NUF2: variants seen among roughly 807,000 people sequenced by gnomAD.
NUF2 encodes NUF2 component of NDC80 kinetochore complex, also known as kinetochore protein Nuf2.
NUF2 carries 34 observed loss-of-function variants against 61.8 expected under a neutral mutation model. That is an observed-to-expected ratio of 0.55 (90% confidence interval 0.42 to 0.73). The LOEUF (loss-of-function observed/expected upper bound fraction) is 0.73, where lower values mean the gene tolerates loss of function less well. Among genes scored for constraint, NUF2 ranks in the 30% least tolerant of loss-of-function variants. NUF2 has a pLI of 0.00. For synonymous variants in NUF2, 172 were observed against 181.6 expected, an observed-to-expected ratio of 0.95 and a Z score of 0.42; for missense variants, 445 against 539.1, an observed-to-expected ratio of 0.83 and a Z score of 1.73.
At chr1:163,333,384 G>A (rs1184885670) in intron 5 of NUF2, among the ~76,000 whole-genome samples, 1 of 152,024 alleles carries the variant, frequency 6.6e-6, no homozygotes, top group Non-Finnish European at 1.5e-5. Flanking sequence ...TTTAATCGGA[G>A]TCTTAGACCA....
At chr1:163,324,796 A>C (rs1650356456) in intron 1 of NUF2, among the ~76,000 whole-genome samples, 1 of 152,176 alleles carries the variant, frequency 6.6e-6, no homozygotes, top group African/African-American at 2.4e-5. Flanking sequence ...GGAATCTCAC[A>C]ATGTGGTGTC....
chr1:163,338,242 A>T, intron 7 of NUF2, 149 bp downstream of exon 7: 1 of 550,764 alleles, frequency 1.8e-6, no homozygotes, highest in Non-Finnish European at 3.2e-6. Context: ...TTTCTTAAAA[A>T]AAAAAAAAAG....
At chr1:163,327,816 A>T in intron 3 of NUF2, 1 of 442,622 alleles carries the variant, frequency 2.3e-6, no homozygotes, top group Non-Finnish European at 4.0e-6. Context: ...CATTGATGCA[A>T]TGCAATTGTT....
intron 8 of NUF2, 35 bp downstream of exon 8, chr1:163,339,512 C>T (rs2999852): frequency 0.95 from 1,278,249 of 1,352,010 alleles, 606,147 homozygotes; most frequent in East Asian, 0.99. Flanking sequence ...CTTTAAAAAA[C>T]AAAATTTGTT....
intron 7 of NUF2, 65 bp downstream of exon 7, chr1:163,338,158 A>G: frequency 8.5e-7 from 1 of 1,182,662 alleles, no homozygotes; most frequent in East Asian, 2.4e-5. Flanking sequence ...TGTAAGTAGT[A>G]TTTTACAACC....
intron 1 of NUF2, among the ~76,000 whole-genome samples, chr1:163,324,444 T>C (rs1650344934): frequency 6.6e-6 from 1 of 152,238 alleles, no homozygotes; most frequent in South Asian, 2.1e-4. Flanking sequence ...TTAGTGGTTG[T>C]TTAGAATTGC....
chr1:163,324,538 TA>T (rs1403203636), intron 1 of NUF2, among the ~76,000 whole-genome samples: 1 of 152,128 alleles, frequency 6.6e-6, no homozygotes. Context: ...CCTAAAGAAA[TA>T]GATTGTCAGA....
chr1:163,327,974 A>C (rs1650481471), intron 3 of NUF2: 1 of 395,896 alleles, frequency 2.5e-6, no homozygotes, highest in Non-Finnish European at 4.5e-6. Context: ...GCTTTTAGCA[A>C]ATTATTTGCA....
intron 10 of NUF2, among the ~76,000 whole-genome samples, chr1:163,344,182 A>C: frequency 6.6e-6 from 1 of 152,276 alleles, no homozygotes; most frequent in Middle Eastern, 3.4e-3. Context: ...TAATTTTACA[A>C]ACAATTGTAA....
chr1:163,327,391 C>G (rs1650459021), intron 2 of NUF2, 97 bp from the exon 3 acceptor site: 3 of 704,208 alleles, frequency 4.3e-6, no homozygotes, highest in Non-Finnish European at 7.4e-6. Context: ...CCTTTTTCTT[C>G]TTTGCTTTCA....
At position 163,347,885 on chromosome 1, in the gene NUF2, C is replaced by G. The variant is rs772985332; in HGVS notation, c.1071C>G (p.Phe357Leu). ...AGGAAAAACTTGCCACAGCACAATT[C>G]AAAATAAATAAGAAGCATGAAGATG... Reference protein sequence around the residue: ...VKKEKLATAQFKINKKHEDVK... With the variant: ...VKKEKLATAQLKINKKHEDVK... Residue 357 changes from phenylalanine (F) to leucine (L), a missense_variant, in exon 12 of 14, where the codon TTC (phenylalanine) becomes TTG (leucine). Physicochemically the swap from Phe to Leu is conservative, Grantham distance 22. Coordinates refer to ENST00000271452, the MANE Select transcript of NUF2 (RefSeq NM_145697.3). 1 of 1,607,724 alleles carries G rather than the reference C, an allele frequency of 6.2e-7. No individual in the cohort carries two copies. The highest frequency in any genetic ancestry group is 8.5e-7 in the Non-Finnish European group (1 of 1,177,928).
chr1:163,349,440 A>G (rs1380418968), intron 13 of NUF2, among the ~76,000 whole-genome samples: 9 of 152,108 alleles, frequency 5.9e-5, no homozygotes, highest in Non-Finnish European at 1.3e-4. Flanking sequence ...AGTTTGATTT[A>G]TGTCTTCAAG....
intron 12 of NUF2, among the ~76,000 whole-genome samples, chr1:163,348,163 C>T (rs561543985): frequency 1.3e-5 from 2 of 152,174 alleles, no homozygotes; most frequent in Non-Finnish European, 2.9e-5. Flanking sequence ...TATACAGTTC[C>T]AATTCCTTTG....
chr1:163,348,447 A>G (rs2101689288), intron 12 of NUF2, among the ~76,000 whole-genome samples: 1 of 152,278 alleles, frequency 6.6e-6, no homozygotes, highest in Middle Eastern at 3.4e-3. Flanking sequence ...TACCTGCCCC[A>G]GATATGTCTA....
intron 1 of NUF2, chr1:163,322,811 TAGAC>T (rs1553229995): frequency 1.3e-5 from 2 of 152,256 alleles, no homozygotes; most frequent in African/African-American, 2.4e-5. Flanking sequence ...TGCTACTCGT[TAGAC>T]AGAGTATTAC....
intron 9 of NUF2, among the ~76,000 whole-genome samples, chr1:163,341,784 C>T (rs1244241034): frequency 1.3e-5 from 2 of 152,036 alleles, no homozygotes. Flanking sequence ...TCCACCACCA[C>T]TCCCGGCTAA....
intron 13 of NUF2, among the ~76,000 whole-genome samples, chr1:163,353,354 GAGAT>G (rs1047364727): frequency 8.5e-5 from 13 of 152,162 alleles, no homozygotes; most frequent in Non-Finnish European, 1.9e-4. Flanking sequence ...TTTGAAAAGT[GAGAT>G]AGTTATCTAG....
chr1:163,338,800 G>A (rs1650845527), intron 7 of NUF2, among the ~76,000 whole-genome samples: 2 of 152,056 alleles, frequency 1.3e-5, no homozygotes, highest in Non-Finnish European at 2.9e-5. Flanking sequence ...CAAAACCCAT[G>A]TAATATTCCT....
At chr1:163,354,524 A>C (rs1039644957) in intron 13 of NUF2, among the ~76,000 whole-genome samples, 24 of 152,126 alleles carry the variant, frequency 1.6e-4, no homozygotes, top group Admixed American at 1.6e-3. Flanking sequence ...AGTAGCCAAA[A>C]TTTTAGGCTT....
Sources: allele counts gnomAD v4.1 joint callset (sites outside exome capture counted in the v4.1 genomes callset), GRCh38; gene constraint gnomAD v4.1.1; transcripts MANE v1.5; gene names NCBI Gene and HGNC (gene_info 2026-07-23, HGNC 2026-07-21).